SUGCT: variants seen among roughly 807,000 people sequenced by gnomAD.
SUGCT encodes the protein succinyl-CoA:glutarate-CoA transferase, also known as succinyl-CoA:glutarate CoA-transferase.
SUGCT carries 41 observed loss-of-function variants against 55.0 expected under a neutral mutation model. That is an observed-to-expected ratio of 0.74 (90% CI 0.58 to 0.97). The LOEUF is 0.97. Ranked by LOEUF, SUGCT falls within the 50% of genes least tolerant of loss-of-function variation. SUGCT has a pLI of 0.00. For synonymous variants in SUGCT, 187 were observed against 200.4 expected (o/e 0.93, Z 0.56); for missense variants, 568 against 547.8 (o/e 1.04, Z -0.37).
Position 40,203,496 on chromosome 7 carries a change from C to T in SUGCT, c.484+8436C>T, listed in dbSNP as rs544044347. ...ATGGAAATAGAATATTTATTTAAGC[C>T]GGGCACAGTGGCTCATGCCTGTAAT... On this transcript the variant is annotated intron_variant, in intron 6 of 13. Transcript: ENST00000335693. 1.2e-4 allele frequency among the ~76,000 whole-genome samples: 18 copies of T among 152,214 alleles called. No homozygotes were observed. The East Asian group carries it at 1.5e-3, about 13-fold the overall frequency.
intron 9 of SUGCT, among the ~76,000 whole-genome samples, chr7:40,339,346 G>A (rs1796912845): frequency 6.6e-6 from 1 of 152,188 alleles, no homozygotes; most frequent in African/African-American, 2.4e-5. Context: ...CCCCAGAGGT[G>A]GAGTCTACAG....
At chr7:40,433,548 CT>C (rs1429683385) in intron 9 of SUGCT, among the ~76,000 whole-genome samples, 1 of 152,136 alleles carries the variant, frequency 6.6e-6, no homozygotes, top group Non-Finnish European at 1.5e-5. Context: ...GCCATCTCAT[CT>C]CCACCTTCCT....
chr7:40,777,456 T>C (rs1322707434), intron 13 of SUGCT, among the ~76,000 whole-genome samples: 1 of 152,080 alleles, frequency 6.6e-6, no homozygotes, highest in African/African-American at 2.4e-5. Flanking sequence ...TGGTGGGTTT[T>C]TTTTTTTAAA....
the SUGCT span, among the ~76,000 whole-genome samples, chr7:40,889,231 A>C: frequency 2.6e-5 from 4 of 152,112 alleles, no homozygotes; most frequent in Non-Finnish European, 5.9e-5. Flanking sequence ...CATGGCTCTC[A>C]AGGGACATCT....
At chr7:40,157,236 C>G (rs146135098) in intron 1 of SUGCT, among the ~76,000 whole-genome samples, 42 of 152,118 alleles carry the variant, frequency 2.8e-4, no homozygotes, top group African/African-American at 9.9e-4. Context: ...GGGTAAGATC[C>G]CAGGGATCTT....
intron 8 of SUGCT, among the ~76,000 whole-genome samples, chr7:40,286,373 T>C (rs1422441132): frequency 6.6e-6 from 1 of 152,190 alleles, no homozygotes; most frequent in African/African-American, 2.4e-5. Context: ...CGCCTCTCTC[T>C]TAGGAGAACC....
At chr7:40,269,458 G>A (rs570529756) in intron 7 of SUGCT, among the ~76,000 whole-genome samples, 1 of 152,228 alleles carries the variant, frequency 6.6e-6, no homozygotes, top group Admixed American at 6.5e-5. Flanking sequence ...TAGTAGCTGG[G>A]ACCACAGGTG....
At chr7:40,337,936 C>G (rs1796810366) in intron 9 of SUGCT, among the ~76,000 whole-genome samples, 1 of 152,050 alleles carries the variant, frequency 6.6e-6, no homozygotes, top group South Asian at 2.1e-4. Flanking sequence ...TCTTGTAGGA[C>G]AGGCCTGGTG....
intron 12 of SUGCT, among the ~76,000 whole-genome samples, chr7:40,680,569 A>G (rs569841287): frequency 1.6e-4 from 24 of 152,244 alleles, no homozygotes; most frequent in Non-Finnish European, 2.5e-4. Context: ...TCAAAAGGTA[A>G]TTATACTCTA....
intron 11 of SUGCT, among the ~76,000 whole-genome samples, chr7:40,474,456 C>T (rs575389986): frequency 6.6e-6 from 1 of 152,152 alleles, no homozygotes; most frequent in Non-Finnish European, 1.5e-5. Context: ...GGGCATTTAT[C>T]CCCCAACTAC....
intron 1 of SUGCT, among the ~76,000 whole-genome samples, chr7:40,168,969 A>C (rs1261668062): frequency 1.3e-5 from 2 of 152,024 alleles, no homozygotes; most frequent in Non-Finnish European, 2.9e-5. Context: ...TGACCCCAGC[A>C]GTGTAAGACT....
At position 40,322,222 on chromosome 7, in the gene SUGCT, ATCTCCCCATCTTGTG is replaced by A. The variant is rs1470868291; in HGVS notation, c.816+5372_816+5386del. ...TTTCACTGTTCTGAATAGCATAAGA[ATCTCCCCATCTTGTG>A]TCTCTCTCTCTCCCTTCTCCTTTCT... On this transcript the variant is annotated intron_variant, in intron 9 of 13. Transcript: ENST00000335693. Among the ~76,000 whole-genome samples, 3 of 152,146 alleles carry A rather than the reference ATCTCCCCATCTTGTG, an allele frequency of 2.0e-5. No individual in the cohort carries two copies. In the East Asian group the frequency reaches 5.8e-4, roughly 29 times the overall value.
the SUGCT span, among the ~76,000 whole-genome samples, chr7:40,984,266 A>G: frequency 2.0e-5 from 3 of 152,170 alleles, no homozygotes; most frequent in East Asian, 1.9e-4. Flanking sequence ...CCACTGCAAT[A>G]ATAATAATAT....
chr7:40,481,810 C>T (rs919282228), intron 11 of SUGCT, among the ~76,000 whole-genome samples: 1 of 152,128 alleles, frequency 6.6e-6, no homozygotes, highest in Non-Finnish European at 1.5e-5. Flanking sequence ...GACACTTACT[C>T]TTCTCATTGA....
chr7:40,860,632 G>A lies in SUGCT; in HGVS notation c.*153G>A, dbSNP rs1794458907. 1 of 693,366 alleles carries A rather than the reference G, an allele frequency of 1.4e-6. No homozygotes were observed. The highest frequency in any genetic ancestry group is 3.6e-5 in the South Asian group (1 of 28,036). 43.0% of individuals were successfully genotyped at this position (693,366 alleles called of 1,614,324 possible). A position where few individuals can be genotyped will look rare whatever the true frequency, so the allele number is the denominator to read the frequency against. Reference sequence around the variant, plus strand: ...ACATGGCATCTCCAGAATGGCTCTGGTATTAATGAATCTAGTGCCTTTTAA... The same window carrying A: ...ACATGGCATCTCCAGAATGGCTCTGATATTAATGAATCTAGTGCCTTTTAA... On this transcript the variant is annotated 3_prime_UTR_variant, in exon 14 of 14. Transcript: ENST00000335693.
At chr7:40,626,714 A>G (rs1447972293) in intron 12 of SUGCT, among the ~76,000 whole-genome samples, 2 of 152,172 alleles carry the variant, frequency 1.3e-5, no homozygotes, top group Non-Finnish European at 2.9e-5. Context: ...GGGTCAGACA[A>G]ACACGGGTCC....
intron 13 of SUGCT, among the ~76,000 whole-genome samples, chr7:40,824,796 AAG>A (rs1205287607): frequency 6.6e-6 from 1 of 152,222 alleles, no homozygotes; most frequent in Non-Finnish European, 1.5e-5. Context: ...GAGCAAGAAA[AAG>A]AGAGAGCAGA....
At chr7:40,346,419 G>A (rs1301783620) in intron 9 of SUGCT, among the ~76,000 whole-genome samples, 2 of 151,978 alleles carry the variant, frequency 1.3e-5, no homozygotes, top group East Asian at 3.9e-4. Context: ...CTAACAGAGA[G>A]AAAATTACAA....
At chr7:40,565,006 C>G (rs1192272312) in intron 12 of SUGCT, among the ~76,000 whole-genome samples, 1 of 152,164 alleles carries the variant, frequency 6.6e-6, no homozygotes. Context: ...TAATCCAGGA[C>G]TGATAACCAC....
Sources: gnomAD v4.1 joint callset for allele counts (sites outside exome capture counted in the v4.1 genomes callset) on GRCh38, gnomAD v4.1.1 for gene constraint, MANE v1.5 for transcripts, NCBI Gene and HGNC (gene_info 2026-07-23, HGNC 2026-07-21) for gene names.